The following NOS1AP variants were observed in gnomAD, a reference collection of about 807,000 sequenced individuals.
NOS1AP encodes carboxyl-terminal PDZ ligand of neuronal nitric oxide synthase protein.
Under a neutral mutation model 56.2 loss-of-function variants are expected in NOS1AP, and 21 were observed. The ratio of observed to expected loss-of-function variants is 0.37; its 90% confidence interval spans 0.26 to 0.54. NOS1AP has a LOEUF of 0.54. Among genes scored for constraint, NOS1AP ranks in the 20% least tolerant of loss-of-function variants. The pLI, the probability that NOS1AP is intolerant of heterozygous loss-of-function variation, is 0.84. For missense variants in NOS1AP, 522 were observed against 657.8 expected, an observed-to-expected ratio of 0.79 and a Z score of 2.26; for synonymous variants, 270 against 274.6, an observed-to-expected ratio of 0.98 and a Z score of 0.17.
At chr1:162,314,726 A>G (rs1378153832) in intron 4 of NOS1AP, among the ~76,000 whole-genome samples, 3 of 152,208 alleles carry the variant, frequency 2.0e-5, no homozygotes, top group South Asian at 4.1e-4. Context: ...TCCATAGGAA[A>G]AAAATCATTC....
intron 1 of NOS1AP, among the ~76,000 whole-genome samples, chr1:162,096,451 T>A (rs1006582639): frequency 6.6e-6 from 1 of 152,148 alleles, no homozygotes; most frequent in Non-Finnish European, 1.5e-5. Context: ...TACAAAAATA[T>A]ACGTAATATA....
chr1:162,315,467 G>A (rs1656199300), intron 4 of NOS1AP, among the ~76,000 whole-genome samples: 1 of 152,164 alleles, frequency 6.6e-6, no homozygotes, highest in African/African-American at 2.4e-5. Flanking sequence ...AAGGATGGTG[G>A]CGTCACACCT....
intron 1 of NOS1AP, among the ~76,000 whole-genome samples, chr1:162,075,774 C>CTTTTTTTTTT (rs11398400): frequency 6.7e-6 from 1 of 149,680 alleles, no homozygotes. Flanking sequence ...GCCCAGACTA[C>CTTTTTTTTTT]TTTTTTTTTT....
intron 1 of NOS1AP, among the ~76,000 whole-genome samples, chr1:162,098,470 T>G (rs1692300402): frequency 6.6e-6 from 1 of 150,842 alleles, no homozygotes; most frequent in African/African-American, 2.4e-5. Context: ...GCCTTACAGT[T>G]TTGTTTGGTA....
chr1:162,198,917 C>T (rs1446009388), intron 2 of NOS1AP, among the ~76,000 whole-genome samples: 1 of 152,168 alleles, frequency 6.6e-6, no homozygotes, highest in Non-Finnish European at 1.5e-5. Flanking sequence ...GGCTTGGGGC[C>T]TTGCTTTCCT....
chr1:162,125,988 C>T (rs937998262), intron 1 of NOS1AP, among the ~76,000 whole-genome samples: 1 of 151,868 alleles, frequency 6.6e-6, no homozygotes, highest in African/African-American at 2.4e-5. Context: ...ACATCTTTCA[C>T]CTCCTTGGTT....
intron 1 of NOS1AP, among the ~76,000 whole-genome samples, chr1:162,078,499 C>T (rs572207175): frequency 1.3e-5 from 2 of 152,112 alleles, no homozygotes; most frequent in Non-Finnish European, 2.9e-5. Flanking sequence ...TTCCCAGTGA[C>T]ATCCATCCAC....
chr1:162,184,341 T>C (rs1362989117), intron 2 of NOS1AP, among the ~76,000 whole-genome samples: 1 of 152,164 alleles, frequency 6.6e-6, no homozygotes, highest in African/African-American at 2.4e-5. Context: ...TATTAAAAAG[T>C]ATGAAATATT....
intron 4 of NOS1AP, among the ~76,000 whole-genome samples, chr1:162,303,440 T>G (rs1208835761): frequency 6.6e-6 from 1 of 152,198 alleles, no homozygotes; most frequent in African/African-American, 2.4e-5. Flanking sequence ...ATATTAAATA[T>G]CATCTTTTTG....
intron 2 of NOS1AP, among the ~76,000 whole-genome samples, chr1:162,241,372 G>A (rs945528939): frequency 2.6e-5 from 4 of 152,146 alleles, no homozygotes; most frequent in Admixed American, 2.6e-4. Context: ...AAGAAAACCT[G>A]GCACTTTTGG....
chr1:162,216,750 G>C (rs1485006358), intron 2 of NOS1AP, among the ~76,000 whole-genome samples: 1 of 152,158 alleles, frequency 6.6e-6, no homozygotes, highest in Non-Finnish European at 1.5e-5. Context: ...TAAGAACACT[G>C]ACTGTGGAAT....
rs148859781 is a variant in NOS1AP at position 162,201,003 on chromosome 1, C to T, written c.177+46527C>T. Among the ~76,000 whole-genome samples, 74 of 152,200 alleles carry T rather than the reference C, an allele frequency of 4.9e-4. 1 individual carries two copies. Among genetic ancestry groups the T allele is most frequent in the African/African-American group, 1.6e-3 (67 of 41,522 alleles). ...TTTGTTGTACAGAGTATTTCATCAC[C>T]GACATATTAAGCCTAGTACCCATTA... On this transcript the variant is annotated intron_variant, in intron 2 of 9. Coordinates refer to ENST00000361897, the MANE Select transcript of NOS1AP (RefSeq NM_014697.3).
chr1:162,274,213 G>A (rs955856089), intron 2 of NOS1AP, among the ~76,000 whole-genome samples: 1 of 152,112 alleles, frequency 6.6e-6, no homozygotes, highest in Non-Finnish European at 1.5e-5. Context: ...CATCCTCCCC[G>A]GTGTTTGGCG....
chr1:162,286,213 T>C (rs1396862740), intron 2 of NOS1AP, among the ~76,000 whole-genome samples: 1 of 152,232 alleles, frequency 6.6e-6, no homozygotes, highest in Non-Finnish European at 1.5e-5. Context: ...AGTTCATGCC[T>C]ATCAATGCTA....
Position 162,357,064 on chromosome 1 carries a change from T to C in NOS1AP, c.867T>C (p.Thr289=). 1 of 1,613,186 alleles carries C rather than the reference T, an allele frequency of 6.2e-7. No homozygotes were observed. The highest frequency in any genetic ancestry group is 8.5e-7 in the Non-Finnish European group (1 of 1,180,014). ...TGGGCACAGAGACACCGCTGTCCAC[T>C]CACCACCAGATGCAGCTCCTCCAGC... ...PGLGTETPLS[T]HHQMQLLQQL... Residue 289 remains threonine (T), a synonymous_variant, in exon 8 of 10, where the codon ACT becomes ACC. Coordinates refer to ENST00000361897, the MANE Select transcript of NOS1AP (RefSeq NM_014697.3).
chr1:162,232,401 T>C (rs1195874469), intron 2 of NOS1AP, among the ~76,000 whole-genome samples: 5 of 152,244 alleles, frequency 3.3e-5, no homozygotes, highest in African/African-American at 1.2e-4. Flanking sequence ...ATTAAAAGGC[T>C]GTTATTGGAA....
chr1:162,169,039 A>G (rs1557815724), intron 2 of NOS1AP, among the ~76,000 whole-genome samples: 1 of 152,250 alleles, frequency 6.6e-6, no homozygotes. Context: ...AGGTTAAAAT[A>G]AAGAGTCTTG....
intron 2 of NOS1AP, among the ~76,000 whole-genome samples, chr1:162,158,954 G>A (rs1247713256): frequency 1.3e-5 from 2 of 152,180 alleles, no homozygotes; most frequent in African/African-American, 4.8e-5. Flanking sequence ...TAGCTGTATA[G>A]CTTAGAACAA....
chr1:162,235,369 A>G (rs1313985091), intron 2 of NOS1AP, among the ~76,000 whole-genome samples: 1 of 152,200 alleles, frequency 6.6e-6, no homozygotes, highest in Non-Finnish European at 1.5e-5. Context: ...TAAGTGAAGA[A>G]GACTTCCCTG....
Sources: allele counts gnomAD v4.1 joint callset (sites outside exome capture counted in the v4.1 genomes callset), GRCh38; gene constraint gnomAD v4.1.1; transcripts MANE v1.5; gene names NCBI Gene and HGNC (gene_info 2026-07-23, HGNC 2026-07-21).